TMEM132C: variants seen among roughly 807,000 people sequenced by gnomAD.
TMEM132C encodes transmembrane protein 132C, also known as protein phosphatase 1, regulatory subunit 152.
Under a neutral mutation model 61.4 loss-of-function variants are expected in TMEM132C, and 29 were observed. That is an observed-to-expected ratio of 0.47 (90% CI 0.35 to 0.64). TMEM132C has a LOEUF of 0.64. Among genes scored for constraint, TMEM132C ranks in the 30% least tolerant of loss-of-function variants. TMEM132C has a pLI of 0.00. For missense variants in TMEM132C, 1,408 were observed against 1,476.9 expected, an observed-to-expected ratio of 0.95 and a Z score of 0.76; for synonymous variants, 656 against 633.1, an observed-to-expected ratio of 1.04 and a Z score of -0.54.
chr12:128,378,172 T>G (rs1874267368), intron 1 of TMEM132C, among the ~76,000 whole-genome samples: 1 of 151,542 alleles, frequency 6.6e-6, no homozygotes, highest in Admixed American at 6.6e-5. Context: ...TGGAGTGCAG[T>G]GGCGCAATCT....
chr12:128,340,526 C>T (rs992675138), intron 1 of TMEM132C, among the ~76,000 whole-genome samples: 99 of 149,642 alleles, frequency 6.6e-4, no homozygotes, highest in African/African-American at 2.3e-3. Flanking sequence ...AGCAAAGACC[C>T]AGTATATTAA....
intron 3 of TMEM132C, among the ~76,000 whole-genome samples, chr12:128,589,952 A>G (rs1190780007): frequency 6.6e-6 from 1 of 152,234 alleles, no homozygotes; most frequent in Non-Finnish European, 1.5e-5. Flanking sequence ...GTTACGTTTG[A>G]AGCAACAAAG....
At chr12:128,563,498 C>T (rs1438404849) in intron 3 of TMEM132C, among the ~76,000 whole-genome samples, 2 of 152,150 alleles carry the variant, frequency 1.3e-5, no homozygotes, top group Non-Finnish European at 2.9e-5. Flanking sequence ...TTGCCACAAG[C>T]CAAGGACTCC....
intron 3 of TMEM132C, among the ~76,000 whole-genome samples, chr12:128,565,486 A>G (rs1157105340): frequency 6.6e-6 from 1 of 152,270 alleles, no homozygotes; most frequent in African/African-American, 2.4e-5. Context: ...TTGCTTGTAT[A>G]AACTCTTGGT....
chr12:128,701,531 A>C (rs1954803567), intron 8 of TMEM132C, among the ~76,000 whole-genome samples: 9 of 152,178 alleles, frequency 5.9e-5, no homozygotes, highest in Admixed American at 5.9e-4. Context: ...TCTTTTTTTA[A>C]TTGCTAGCAT....
At chr12:128,534,697 T>C (rs1166623801) in intron 2 of TMEM132C, among the ~76,000 whole-genome samples, 3 of 152,198 alleles carry the variant, frequency 2.0e-5, no homozygotes, top group Non-Finnish European at 4.4e-5. Context: ...AAACTTCTGG[T>C]CCTGGACACA....
At chr12:128,612,173 C>T (rs1876658663) in intron 3 of TMEM132C, among the ~76,000 whole-genome samples, 1 of 152,182 alleles carries the variant, frequency 6.6e-6, no homozygotes, top group Non-Finnish European at 1.5e-5. Flanking sequence ...TCGGGTCAGT[C>T]TGGTCTGACC....
At chr12:128,442,932 A>G (rs1437209479) in intron 2 of TMEM132C, among the ~76,000 whole-genome samples, 1 of 152,192 alleles carries the variant, frequency 6.6e-6, no homozygotes, top group Non-Finnish European at 1.5e-5. Context: ...ACTATAAACT[A>G]TATATTAAGT....
chr12:128,493,146 G>A (rs1203451236), intron 2 of TMEM132C, among the ~76,000 whole-genome samples: 4 of 152,156 alleles, frequency 2.6e-5, no homozygotes, highest in Admixed American at 2.6e-4. Flanking sequence ...GTTTGTCAAA[G>A]ATCAGATGGT....
intron 2 of TMEM132C, among the ~76,000 whole-genome samples, chr12:128,448,620 G>A (rs1870073310): frequency 6.6e-6 from 1 of 152,132 alleles, no homozygotes; most frequent in African/African-American, 2.4e-5. Context: ...CAAATCACAA[G>A]TCCATCCCAT....
At chr12:128,610,794 A>G (rs558321528) in intron 3 of TMEM132C, among the ~76,000 whole-genome samples, 12 of 152,332 alleles carry the variant, frequency 7.9e-5, no homozygotes, top group Admixed American at 5.9e-4. Context: ...TACAACGTGC[A>G]TTATGGCATT....
At chr12:128,445,709 A>G (rs80244562) in intron 2 of TMEM132C, among the ~76,000 whole-genome samples, 254 of 152,356 alleles carry the variant, frequency 1.7e-3, no homozygotes, top group Non-Finnish European at 2.9e-3. Flanking sequence ...ACAAACCTCC[A>G]GGGAGCATCT....
chr12:128,415,634 C>A lies in TMEM132C; in HGVS notation c.974+14C>A. On this transcript the variant is annotated intron_variant, in intron 2 of 8. Transcript: ENST00000435159. The surrounding 1 kb of genome is among the most constrained non-coding windows in gnomAD (Gnocchi z 5.8). Reference sequence around the variant, plus strand: ...CTTCATCTTGAGGTAGGTGCCCATGCTTGCCCCTGATCATCTTTGGCATGC... The same window carrying A: ...CTTCATCTTGAGGTAGGTGCCCATGATTGCCCCTGATCATCTTTGGCATGC... 6.6e-7 allele frequency: 1 copy of A among 1,504,474 alleles called. No individual in the cohort carries two copies. Among genetic ancestry groups the A allele is most frequent in the Non-Finnish European group, 8.9e-7 (1 of 1,120,398 alleles). The allele number at this position is 1,504,474 out of a possible 1,614,324, so 93.2% of individuals were successfully genotyped here.
intron 2 of TMEM132C, among the ~76,000 whole-genome samples, chr12:128,474,820 A>G (rs1871102057): frequency 6.6e-6 from 1 of 152,158 alleles, no homozygotes; most frequent in African/African-American, 2.4e-5. Flanking sequence ...AATTGGTACC[A>G]CATAGTATGT....
At chr12:128,518,535 C>A (rs927786850) in intron 2 of TMEM132C, among the ~76,000 whole-genome samples, 1 of 152,174 alleles carries the variant, frequency 6.6e-6, no homozygotes, top group Non-Finnish European at 1.5e-5. Context: ...CATGATGAGA[C>A]CTTTCCTCCT....
intron 4 of TMEM132C, among the ~76,000 whole-genome samples, chr12:128,645,660 T>C (rs1357889596): frequency 6.6e-6 from 1 of 152,246 alleles, no homozygotes; most frequent in Non-Finnish European, 1.5e-5. Flanking sequence ...TGTTTCTCTC[T>C]ACCTGTGGTT....
At chr12:128,493,337 T>A (rs1400852584) in intron 2 of TMEM132C, among the ~76,000 whole-genome samples, 1 of 152,292 alleles carries the variant, frequency 6.6e-6, no homozygotes, top group African/African-American at 2.4e-5. Flanking sequence ...ATGTGGAATG[T>A]TTTTTGGTTC....
chr12:128,661,756 A>G (rs1401921724), intron 4 of TMEM132C, among the ~76,000 whole-genome samples: 2 of 152,232 alleles, frequency 1.3e-5, no homozygotes, highest in African/African-American at 4.8e-5. Context: ...CTAAATAGGA[A>G]TAAATGCTCC....
At chr12:128,670,415 C>G (rs1459030856) in intron 5 of TMEM132C, among the ~76,000 whole-genome samples, 1 of 152,128 alleles carries the variant, frequency 6.6e-6, no homozygotes, top group Non-Finnish European at 1.5e-5. Flanking sequence ...TATCTTTTGA[C>G]CAATATCTGC....
Sources: gnomAD v4.1 joint callset for allele counts (sites outside exome capture counted in the v4.1 genomes callset) on GRCh38, gnomAD v4.1.1 for gene constraint, Gnocchi (gnomAD v3.1) non-coding constraint, MANE v1.5 for transcripts, NCBI Gene and HGNC (gene_info 2026-07-23, HGNC 2026-07-21) for gene names.